The following KIRREL1 variants were observed in gnomAD, a reference collection of about 807,000 sequenced individuals.
KIRREL1 encodes the protein kin of IRRE-like protein 1.
A neutral mutation model predicts 83.3 loss-of-function variants in KIRREL1; 25 were observed. The observed-to-expected ratio is 0.30, with a 90% CI of 0.22 to 0.42. The LOEUF (loss-of-function observed/expected upper bound fraction) is 0.42. KIRREL1 is among the 10% of genes least tolerant of loss of function. The probability of loss-of-function intolerance (pLI) is 1.00; values close to 1 mark genes in which losing one functional copy is unlikely to be tolerated. For missense variants in KIRREL1, 812 were observed against 1,032.3 expected (o/e 0.79, Z 2.92); for synonymous variants, 388 against 410.4 (o/e 0.95, Z 0.66).
intron 1 of KIRREL1, among the ~76,000 whole-genome samples, chr1:158,058,342 A>G (rs1661122542): frequency 6.6e-6 from 1 of 152,168 alleles, no homozygotes; most frequent in African/African-American, 2.4e-5. Context: ...GCTGCTGTTC[A>G]GCTGACACCA....
chr1:158,079,388 C>T (rs1234656299), intron 3 of KIRREL1, among the ~76,000 whole-genome samples: 4 of 152,170 alleles, frequency 2.6e-5, no homozygotes, highest in South Asian at 2.1e-4. Flanking sequence ...GGCATGATCT[C>T]GGCTCACTGT....
intron 1 of KIRREL1, among the ~76,000 whole-genome samples, chr1:158,059,685 A>C (rs1426222156): frequency 6.6e-6 from 1 of 152,130 alleles, no homozygotes; most frequent in Non-Finnish European, 1.5e-5. Flanking sequence ...TATGAGCATC[A>C]GGGTAGGCAG....
chr1:158,021,611 A>T (rs1018680582), intron 1 of KIRREL1, among the ~76,000 whole-genome samples: 2 of 152,232 alleles, frequency 1.3e-5, no homozygotes, highest in African/African-American at 4.8e-5. Flanking sequence ...AGAAATGTGC[A>T]TATACATGAC....
chr1:158,060,294 C>T (rs1257374667), intron 1 of KIRREL1, among the ~76,000 whole-genome samples: 1 of 152,170 alleles, frequency 6.6e-6, no homozygotes, highest in Non-Finnish European at 1.5e-5. Context: ...CTTTGCCCCT[C>T]CTTCTCAATC....
intron 1 of KIRREL1, among the ~76,000 whole-genome samples, chr1:158,022,383 C>A (rs1040149317): frequency 6.6e-6 from 1 of 152,176 alleles, no homozygotes; most frequent in African/African-American, 2.4e-5. Flanking sequence ...GTAATCTGTT[C>A]TATGAATTAT....
chr1:158,004,606 A>G (rs892881676), intron 1 of KIRREL1, among the ~76,000 whole-genome samples: 1 of 152,194 alleles, frequency 6.6e-6, no homozygotes, highest in Non-Finnish European at 1.5e-5. Flanking sequence ...GTCCTGGAAA[A>G]GCACTCTCAG....
chr1:158,007,433 G>A (rs573799302), intron 1 of KIRREL1, among the ~76,000 whole-genome samples: 57 of 152,194 alleles, frequency 3.7e-4, no homozygotes, highest in Non-Finnish European at 1.2e-4. Flanking sequence ...GAAGGAGGTC[G>A]CCCAGTGAGG....
At chr1:158,002,448 A>G (rs907512211) in intron 1 of KIRREL1, among the ~76,000 whole-genome samples, 3 of 151,916 alleles carry the variant, frequency 2.0e-5, no homozygotes, top group African/African-American at 7.3e-5. Flanking sequence ...GATTCTTAAA[A>G]CCTCTGCTAG....
chr1:158,016,235 C>A (rs1373994552), intron 1 of KIRREL1, among the ~76,000 whole-genome samples: 1 of 151,566 alleles, frequency 6.6e-6, no homozygotes, highest in African/African-American at 2.4e-5. Context: ...ACCCTGTAGG[C>A]AGAGCTTGCA....
At chr1:158,028,816 A>G (rs763756941) in intron 1 of KIRREL1, among the ~76,000 whole-genome samples, 4 of 152,198 alleles carry the variant, frequency 2.6e-5, no homozygotes, top group Non-Finnish European at 4.4e-5. Flanking sequence ...CTGAGAGGCT[A>G]ATTCTCTTGC....
At position 158,091,308 on chromosome 1, in the gene KIRREL1, C is replaced by T. The variant is rs778166288; in HGVS notation, c.1273-50C>T. On this transcript the variant is annotated intron_variant, in intron 10 of 14. Transcript: ENST00000359209. ...GGATCAGGGGACACGTGGGCATGGG[C>T]TTCTGCCCCCTGCCCCTTTCTTACC... 5 of 1,545,176 alleles carry T rather than the reference C, an allele frequency of 3.2e-6. No homozygotes were observed. The African/African-American group carries it at 4.1e-5, about 13-fold the overall frequency.
At chr1:158,007,669 C>T (rs989788421) in intron 1 of KIRREL1, among the ~76,000 whole-genome samples, 9 of 151,804 alleles carry the variant, frequency 5.9e-5, no homozygotes, top group East Asian at 1.9e-4. Context: ...GGAGTTAAAC[C>T]GGGCTTCAGC....
At chr1:158,090,638 G>A in intron 10 of KIRREL1, among the ~76,000 whole-genome samples, 1 of 152,194 alleles carries the variant, frequency 6.6e-6, no homozygotes, top group Non-Finnish European at 1.5e-5. Flanking sequence ...CCACTCAGGG[G>A]AATGGTCCGG....
At chr1:158,038,630 T>C (rs1287041430) in intron 1 of KIRREL1, among the ~76,000 whole-genome samples, 2 of 152,014 alleles carry the variant, frequency 1.3e-5, no homozygotes, top group Non-Finnish European at 2.9e-5. Context: ...CTAGCCATTC[T>C]CTTCCTCTTT....
At chr1:158,036,890 C>T (rs1280226644) in intron 1 of KIRREL1, among the ~76,000 whole-genome samples, 4 of 152,150 alleles carry the variant, frequency 2.6e-5, no homozygotes, top group African/African-American at 4.8e-5. Flanking sequence ...GGAGTGAGGA[C>T]GGCCGATAGC....
chr1:158,074,229 A>G (rs1240953659), intron 1 of KIRREL1, among the ~76,000 whole-genome samples: 1 of 152,228 alleles, frequency 6.6e-6, no homozygotes, highest in East Asian at 1.9e-4. Context: ...GGAGCCACTC[A>G]TGGAGTATGG....
Position 158,096,639 on chromosome 1 carries a change from TCTC to T in KIRREL1, c.*1527_*1529del, listed in dbSNP as rs1481912694. 4 of 456,496 alleles carry T rather than the reference TCTC, an allele frequency of 8.8e-6. No homozygotes were observed. Among genetic ancestry groups the T allele is most frequent in the East Asian group, 6.9e-5 (1 of 14,392 alleles). The allele number at this position is 456,496 out of a possible 1,614,324, so 28.3% of individuals were successfully genotyped here. On this transcript the variant is annotated 3_prime_UTR_variant, in exon 15 of 15. Coordinates refer to ENST00000359209, the MANE Select transcript of KIRREL1 (RefSeq NM_018240.7). ...CACCGCAGGCATTACACAGGCCATT[TCTC>T]CTCCTCCATGTGCACGCACATCCAA...
chr1:158,033,188 C>T (rs921446884), intron 1 of KIRREL1, among the ~76,000 whole-genome samples: 18 of 152,346 alleles, frequency 1.2e-4, no homozygotes, highest in African/African-American at 4.3e-4. Context: ...TCTCCTGCCT[C>T]AGCCTCCCCA....
chr1:158,018,167 G>C (rs1232778054), intron 1 of KIRREL1, among the ~76,000 whole-genome samples: 1 of 152,124 alleles, frequency 6.6e-6, no homozygotes, highest in Non-Finnish European at 1.5e-5. Flanking sequence ...AGAATTGGGG[G>C]GGTGGGAAGC....
Sources: allele counts gnomAD v4.1 joint callset (sites outside exome capture counted in the v4.1 genomes callset), GRCh38; gene constraint gnomAD v4.1.1; transcripts MANE v1.5; gene names NCBI Gene and HGNC (gene_info 2026-07-23, HGNC 2026-07-21).